TANC2: variants seen among roughly 807,000 people sequenced by gnomAD.
TANC2 encodes protein TANC2.
TANC2 carries 26 observed loss-of-function variants against 210.5 expected under a neutral mutation model. The observed-to-expected ratio is 0.12, with a 90% confidence interval of 0.09 to 0.17. The LOEUF is 0.17. TANC2 is among the 10% of genes least tolerant of loss of function. The pLI is 1.00. For synonymous variants in TANC2, 931 were observed against 967.1 expected, an observed-to-expected ratio of 0.96 and a Z score of 0.69; for missense variants, 2,129 against 2,608.9, an observed-to-expected ratio of 0.82 and a Z score of 4.01.
At chr17:62,998,502 A>G (rs906104959) in intron 1 of TANC2, among the ~76,000 whole-genome samples, 3 of 152,216 alleles carry the variant, frequency 2.0e-5, no homozygotes, top group African/African-American at 7.2e-5. Context: ...AAAGGCAGCT[A>G]GAAAGAAGGG....
chr17:63,046,411 A>C (rs1256540479), intron 2 of TANC2, among the ~76,000 whole-genome samples: 2 of 135,708 alleles, frequency 1.5e-5, no homozygotes, highest in Non-Finnish European at 3.0e-5. Context: ...CGGTCACTGC[A>C]TCCTCCACCT....
chr17:63,417,355 C>T (rs900572939), intron 26 of TANC2, among the ~76,000 whole-genome samples: 2 of 152,076 alleles, frequency 1.3e-5, no homozygotes, highest in African/African-American at 2.4e-5. Flanking sequence ...AAGGGGAAAG[C>T]CTTCTCTTTT....
At chr17:63,225,312 G>A (rs2042300163) in intron 7 of TANC2, among the ~76,000 whole-genome samples, 1 of 152,186 alleles carries the variant, frequency 6.6e-6, no homozygotes, top group African/African-American at 2.4e-5. Flanking sequence ...CTTCTTTCTG[G>A]TTGTTCTTTC....
chr17:63,000,756 T>G (rs557047157), intron 1 of TANC2, among the ~76,000 whole-genome samples: 5 of 152,270 alleles, frequency 3.3e-5, no homozygotes, highest in Admixed American at 3.3e-4. Context: ...CAGGGTAAAA[T>G]TTAGATTTAC....
intron 4 of TANC2, among the ~76,000 whole-genome samples, chr17:63,114,673 C>G (rs569403604): frequency 6.6e-6 from 1 of 151,974 alleles, no homozygotes. Flanking sequence ...CCTTTAAGCA[C>G]AATAGAGTTT....
chr17:63,185,006 A>G (rs1174616824), intron 5 of TANC2, among the ~76,000 whole-genome samples: 2 of 150,204 alleles, frequency 1.3e-5, no homozygotes, highest in Non-Finnish European at 3.0e-5. Context: ...GGTTGGGGAC[A>G]GAGTGTGAGA....
intron 11 of TANC2, chr17:63,332,074 G>A (rs1451226348): frequency 6.0e-6 from 2 of 332,072 alleles, no homozygotes; most frequent in Non-Finnish European, 1.2e-5. Context: ...GAGTCTTCCT[G>A]AATAATTTCA....
At chr17:63,138,379 G>A (rs1176276566) in intron 4 of TANC2, among the ~76,000 whole-genome samples, 2 of 152,208 alleles carry the variant, frequency 1.3e-5, no homozygotes, top group African/African-American at 2.4e-5. Context: ...ATACATCTTT[G>A]TGAGAGGACC....
chr17:63,030,298 G>A (rs1432430108), intron 2 of TANC2, among the ~76,000 whole-genome samples: 2 of 152,088 alleles, frequency 1.3e-5, no homozygotes, highest in Non-Finnish European at 2.9e-5. Flanking sequence ...AGACATTGAA[G>A]GGGATTTATA....
chr17:62,972,993 T>G (rs2031793292), intron 1 of TANC2, among the ~76,000 whole-genome samples: 1 of 152,086 alleles, frequency 6.6e-6, no homozygotes, highest in Non-Finnish European at 1.5e-5. Context: ...TCTCTATCTA[T>G]TCTCCCCTTG....
Position 63,098,484 on chromosome 17 carries a change from ACT to A in TANC2, c.140-666_140-665del, listed in dbSNP as rs1175349288. Among the ~76,000 whole-genome samples, 615 of 72,248 alleles carry A rather than the reference ACT, an allele frequency of 8.5e-3. 8 individuals are homozygous for A. The highest frequency in any genetic ancestry group is 0.027 in the Middle Eastern group (4 of 148). 47.4% of individuals were successfully genotyped at this position (72,248 alleles called of 152,430 possible). A position where few individuals can be genotyped will look rare whatever the true frequency, so the allele number is the denominator to read the frequency against. The stretch of plus-strand genomic sequence containing the variant: ...CACACACACACACACACACACATAC[ACT>A]CTCTCTCTCTCTCTCTCTCTCTCTG... On this transcript the variant is annotated intron_variant, in intron 3 of 27. Transcript: ENST00000689528.
intron 5 of TANC2, among the ~76,000 whole-genome samples, chr17:63,165,320 C>T (rs1598506274): frequency 6.6e-6 from 1 of 151,968 alleles, no homozygotes; most frequent in Admixed American, 6.6e-5. Context: ...CCAGTTTATG[C>T]CCAAAAAGCT....
intron 14 of TANC2, among the ~76,000 whole-genome samples, chr17:63,357,783 T>C (rs2046821794): frequency 6.6e-6 from 1 of 152,266 alleles, no homozygotes; most frequent in Non-Finnish European, 1.5e-5. Context: ...GTTTTCCATT[T>C]CAGGCAGGTC....
chr17:63,386,564 C>T (rs2047784998), intron 15 of TANC2, among the ~76,000 whole-genome samples: 2 of 152,088 alleles, frequency 1.3e-5, no homozygotes, highest in African/African-American at 2.4e-5. Flanking sequence ...TACTATTCCT[C>T]TCTACTTTTG....
exon 28 of TANC2, chr17:63,422,546 A>G (rs1168248884): frequency 6.6e-6 from 1 of 152,370 alleles, no homozygotes; most frequent in African/African-American, 2.4e-5. Context: ...AGAGAGAAGA[A>G]TTAAGTGCTA....
In TANC2 at chr17:62,966,277, G is replaced by C; in HGVS notation, c.-496G>C. 6.8e-6 allele frequency among the ~76,000 whole-genome samples: 1 copy of C among 146,170 alleles called. No individual in the cohort carries two copies. The highest frequency in any genetic ancestry group is 1.5e-5 in the Non-Finnish European group (1 of 65,760). ...GCCGGCGGGGCGCGGGTTGCTGGGC[G>C]CGCTGCTCCGGCGGGGCCCGCTGGC... On this transcript the variant is annotated 5_prime_UTR_variant, in exon 1 of 28. Coordinates refer to ENST00000689528, the Ensembl canonical transcript of TANC2. The surrounding 1 kb of genome is among the most constrained non-coding windows in gnomAD (Gnocchi z 5.1).
chr17:63,073,902 C>G lies in TANC2; in HGVS notation c.68-41C>G, dbSNP rs374658116. 2.0e-5 allele frequency: 30 copies of G among 1,492,258 alleles called. No individual in the cohort carries two copies. In the African/African-American group the frequency reaches 3.9e-4, roughly 19 times the overall value. 92.4% of individuals were successfully genotyped at this position (1,492,258 alleles called of 1,614,324 possible). A position where few individuals can be genotyped will look rare whatever the true frequency, so the allele number is the denominator to read the frequency against. ...ATGTCAGAGACACTGTTATGTCAAT[C>G]TCATTATCTATTTGCTTATGCTCCT... On this transcript the variant is annotated intron_variant, in intron 2 of 27. Transcript: ENST00000689528.
rs566482348 is a variant in TANC2 at position 63,361,121 on chromosome 17, T to A, written c.2582+5731T>A. On this transcript the variant is annotated intron_variant, in intron 14 of 27. Coordinates refer to ENST00000689528, the Ensembl canonical transcript of TANC2. ...TAACAAACATGAAACTGCAGATATCTCTTCAATATACTGATTTCCTTTCTT... is the reference window on the plus strand; with the variant it reads ...TAACAAACATGAAACTGCAGATATCACTTCAATATACTGATTTCCTTTCTT... Among the ~76,000 whole-genome samples, 5 of 152,364 alleles carry A rather than the reference T, an allele frequency of 3.3e-5. 1 individual carries two copies. In the East Asian group the frequency reaches 7.7e-4, roughly 23 times the overall value.
chr17:63,415,406 C>A, intron 25 of TANC2, 122 bp from the exon 26 acceptor site: 6 of 1,289,146 alleles, frequency 4.7e-6, no homozygotes, highest in Non-Finnish European at 6.4e-6. Flanking sequence ...CCTCTCTAGG[C>A]TGGCGTTTGG....
Sources: gnomAD v4.1 joint callset for allele counts (sites outside exome capture counted in the v4.1 genomes callset) on GRCh38, gnomAD v4.1.1 for gene constraint, Gnocchi (gnomAD v3.1) non-coding constraint, MANE v1.5 for transcripts, NCBI Gene and HGNC (gene_info 2026-07-23, HGNC 2026-07-21) for gene names.